TALDO1: variants seen among roughly 807,000 people sequenced by gnomAD.
TALDO1 encodes transaldolase.
A neutral mutation model predicts 38.1 loss-of-function variants in TALDO1; 29 were observed. That is an observed-to-expected ratio of 0.76 (90% CI 0.57 to 1.04). TALDO1 has a LOEUF of 1.04. TALDO1 is among the 50% of genes least tolerant of loss of function. TALDO1 has a pLI of 0.00. For missense variants in TALDO1, 499 were observed against 438.1 expected, an observed-to-expected ratio of 1.14 and a Z score of -1.24; for synonymous variants, 207 against 176.8, an observed-to-expected ratio of 1.17 and a Z score of -1.36.
intron 4 of TALDO1, among the ~76,000 whole-genome samples, chr11:763,069 C>T (rs557799125): frequency 6.1e-4 from 93 of 152,240 alleles, no homozygotes; most frequent in African/African-American, 2.2e-3. Flanking sequence ...TTAGAGCCCT[C>T]GAGTCTTACC....
chr11:754,085 A>G (rs1451641168), intron 1 of TALDO1, among the ~76,000 whole-genome samples: 1 of 151,988 alleles, frequency 6.6e-6, no homozygotes, highest in Non-Finnish European at 1.5e-5. Flanking sequence ...CCCGGGTCCA[A>G]GTGATTTTCC....
chr11:762,600 C>G (rs190353914), intron 4 of TALDO1, among the ~76,000 whole-genome samples: 2 of 152,242 alleles, frequency 1.3e-5, no homozygotes, highest in African/African-American at 2.4e-5. Flanking sequence ...CTGTCCCCCT[C>G]GAACACCCCC....
chr11:764,219 C>CCTGA, intron 6 of TALDO1, 69 bp from the exon 7 acceptor site: 1 of 1,612,666 alleles, frequency 6.2e-7, no homozygotes, highest in Non-Finnish European at 8.5e-7. Flanking sequence ...CAGTTCAGGC[C>CCTGA]CTGAGCCCAA....
chr11:763,323 T>TCACCTGTCCCCGCCCC (rs761658593), intron 4 of TALDO1, 21 bp from the exon 5 acceptor site: 1 of 1,193,990 alleles, frequency 8.4e-7, no homozygotes, highest in Non-Finnish European at 1.1e-6. Flanking sequence ...TGCCCCGCCC[T>TCACCTGTCCCCGCCCC]CACCTGTCCC....
In TALDO1 at chr11:763,220, C is replaced by T. The variant is rs1244397477; in HGVS notation, c.462-124C>T. ...CCCTCACCTGCCCCGCCCTCACCTG[C>T]CCCCGCCCTCACCCGCCCCCGCCCT... On this transcript the variant is annotated intron_variant, in intron 4 of 7. Transcript: ENST00000319006. The T allele has an allele frequency of 1.9e-4, 19 of 99,982 alleles. 1 individual carries two copies. Among genetic ancestry groups the T allele is most frequent in the African/African-American group, 4.5e-4 (9 of 20,088 alleles). 6.2% of individuals were successfully genotyped at this position (99,982 alleles called of 1,614,324 possible). A position where few individuals can be genotyped will look rare whatever the true frequency, so the allele number is the denominator to read the frequency against.
At chr11:750,871 G>T (rs1333757716) in intron 1 of TALDO1, among the ~76,000 whole-genome samples, 5 of 151,994 alleles carry the variant, frequency 3.3e-5, no homozygotes, top group Non-Finnish European at 7.4e-5. Flanking sequence ...TGGAGCAATG[G>T]GCCATTCTAT....
At chr11:750,573 C>T (rs977418950) in intron 1 of TALDO1, among the ~76,000 whole-genome samples, 4 of 152,074 alleles carry the variant, frequency 2.6e-5, no homozygotes, top group African/African-American at 9.7e-5. Flanking sequence ...GCCTGTAATC[C>T]GAGCACTTTG....
chr11:751,408 C>T (rs1360088220), intron 1 of TALDO1, among the ~76,000 whole-genome samples: 3 of 152,048 alleles, frequency 2.0e-5, no homozygotes, highest in African/African-American at 7.2e-5. Context: ...GTGGCTCATG[C>T]GTATAATCCC....
intron 6 of TALDO1, 47 bp from the exon 7 acceptor site, chr11:764,241 G>A: frequency 6.2e-7 from 1 of 1,613,780 alleles, no homozygotes; most frequent in Non-Finnish European, 8.5e-7. Context: ...GGGCCAAGGT[G>A]GGCAGGGACA....
chr11:749,232 G>A (rs993754145), intron 1 of TALDO1, among the ~76,000 whole-genome samples: 6 of 151,850 alleles, frequency 4.0e-5, no homozygotes, highest in East Asian at 1.9e-4. Context: ...GTGAAACCCC[G>A]TCTCTACTAA....
chr11:760,114 T>C lies in TALDO1; in HGVS notation c.330-8T>C. 1 of 1,613,706 alleles carries C rather than the reference T, an allele frequency of 6.2e-7. No homozygotes were observed. The highest frequency in any genetic ancestry group is 8.5e-7 in the Non-Finnish European group (1 of 1,179,912). Reference sequence around the variant, plus strand: ...ATCTGAGGGGATGGGTTCTTCTTGCTCCTACAGGCTCTCCTTTGATAAAGA... The same window carrying C: ...ATCTGAGGGGATGGGTTCTTCTTGCCCCTACAGGCTCTCCTTTGATAAAGA... On this transcript the variant is annotated splice_region_variant and splice_polypyrimidine_tract_variant and intron_variant, in intron 3 of 7. Coordinates refer to ENST00000319006, the MANE Select transcript of TALDO1 (RefSeq NM_006755.2).
intron 3 of TALDO1, among the ~76,000 whole-genome samples, chr11:759,374 C>T (rs1476621364): frequency 2.6e-5 from 4 of 152,086 alleles, no homozygotes; most frequent in Non-Finnish European, 5.9e-5. Context: ...CGTTTCTCTG[C>T]CTCAGCCTCC....
At chr11:749,968 C>T (rs1390977527) in intron 1 of TALDO1, among the ~76,000 whole-genome samples, 1 of 152,180 alleles carries the variant, frequency 6.6e-6, no homozygotes, top group East Asian at 1.9e-4. Flanking sequence ...CAACCACTGT[C>T]CCCCATGGTG....
chr11:753,552 C>CAA (rs1347466007), intron 1 of TALDO1, among the ~76,000 whole-genome samples: 4 of 140,420 alleles, frequency 2.8e-5, no homozygotes, highest in South Asian at 4.5e-4. Flanking sequence ...AATACAAATA[C>CAA]AAAAAAAAAA....
intron 1 of TALDO1, among the ~76,000 whole-genome samples, chr11:754,750 G>A (rs539134052): frequency 3.9e-5 from 6 of 152,284 alleles, no homozygotes; most frequent in African/African-American, 1.2e-4. Context: ...GGGATTACAG[G>A]CATGAGCCAC....
chr11:760,048 C>G, intron 3 of TALDO1, 74 bp from the exon 4 acceptor site: 1 of 1,604,104 alleles, frequency 6.2e-7, no homozygotes, highest in Non-Finnish European at 8.5e-7. Context: ...CAGGCAGACA[C>G]CCGGCCTCCA....
Position 755,747 on chromosome 11 carries a change from T to A in TALDO1, c.98-132T>A. The A allele has an allele frequency of 1.5e-6, 2 of 1,319,996 alleles. 1 individual carries two copies. Among genetic ancestry groups the A allele is most frequent in the South Asian group, 2.5e-5 (2 of 80,434 alleles). The allele number at this position is 1,319,996 out of a possible 1,614,324, so 81.8% of individuals were successfully genotyped here. A position where few individuals can be genotyped will look rare whatever the true frequency, so the allele number is the denominator to read the frequency against. ...GTGACCCAGAAGAAGGTGTGAGAAG[T>A]GTGGCTGGACCCCGCTTTCGGAAAT... On this transcript the variant is annotated intron_variant, in intron 1 of 7. Transcript: ENST00000319006.
intron 4 of TALDO1, among the ~76,000 whole-genome samples, chr11:762,724 C>T (rs1339991770): frequency 6.6e-6 from 1 of 152,266 alleles, no homozygotes; most frequent in Non-Finnish European, 1.5e-5. Flanking sequence ...ATGGGCACTG[C>T]TCCGTCCTTG....
Position 764,880 on chromosome 11 carries a change from C to T in TALDO1, c.*35C>T. On this transcript the variant is annotated 3_prime_UTR_variant, in exon 8 of 8. Coordinates refer to ENST00000319006, the MANE Select transcript of TALDO1 (RefSeq NM_006755.2). ...GAGGCTGGACTCCAGATCTGCACCG[C>T]CGGCCAGCTGGGATCTGACTGCACG... 2 of 1,613,772 alleles carry T rather than the reference C, an allele frequency of 1.2e-6. No homozygotes were observed. Among genetic ancestry groups the T allele is most frequent in the Non-Finnish European group, 1.7e-6 (2 of 1,180,028 alleles).
Sources: allele counts gnomAD v4.1 joint callset (sites outside exome capture counted in the v4.1 genomes callset), GRCh38; gene constraint gnomAD v4.1.1; transcripts MANE v1.5; gene names NCBI Gene and HGNC (gene_info 2026-07-23, HGNC 2026-07-21).